The following RABGAP1L variants were observed in gnomAD, a reference collection of about 807,000 sequenced individuals.
RABGAP1L encodes rab GTPase-activating protein 1-like.
In RABGAP1L, 63 loss-of-function variants were observed where a neutral mutation model predicts 137.7. That is an observed-to-expected ratio of 0.46 (90% CI 0.37 to 0.56). The LOEUF (loss-of-function observed/expected upper bound fraction) is 0.56, where lower values mean the gene tolerates loss of function less well. Ranked by LOEUF, RABGAP1L falls within the 20% of genes least tolerant of loss-of-function variation. RABGAP1L has a pLI of 0.00. For synonymous variants in RABGAP1L, 431 were observed against 433.7 expected (o/e 0.99, Z 0.08); for missense variants, 1,095 against 1,244.0 (o/e 0.88, Z 1.80).
intron 18 of RABGAP1L, among the ~76,000 whole-genome samples, chr1:174,772,856 T>C (rs939666363): frequency 6.6e-6 from 1 of 152,188 alleles, no homozygotes; most frequent in African/African-American, 2.4e-5. Context: ...ATCTCTGGCA[T>C]ATTTCACTTA....
In RABGAP1L at chr1:174,500,326, C is replaced by T. The variant is rs144094074; in HGVS notation, c.1710+106181C>T. Among the ~76,000 whole-genome samples, 103 of 152,224 alleles carry T rather than the reference C, an allele frequency of 6.8e-4. 1 individual carries two copies. Among genetic ancestry groups the T allele is most frequent in the African/African-American group, 2.3e-3 (95 of 41,530 alleles). The stretch of plus-strand genomic sequence containing the variant: ...AACTTCTGACCTCAGGTAATCCACC[C>T]TTCTCGGCCTCCCAAAGTGCTGGCA... On this transcript the variant is annotated intron_variant, in intron 13 of 25. Coordinates refer to ENST00000681986, the MANE Select transcript of RABGAP1L (RefSeq NM_001366446.1).
At position 174,448,696 on chromosome 1, in the gene RABGAP1L, G is replaced by A. The variant is rs1414055910; in HGVS notation, c.1710+54551G>A. 2.1e-5 allele frequency: 34 copies of A among 1,613,880 alleles called. 1 individual carries two copies. The highest frequency in any genetic ancestry group is 1.8e-4 in the Admixed American group (11 of 59,984). On this transcript the variant is annotated intron_variant, in intron 13 of 25. Coordinates refer to ENST00000681986, the MANE Select transcript of RABGAP1L (RefSeq NM_001366446.1). This position sits in a 1 kb window ranked among gnomAD's most constrained non-coding sequence, Gnocchi z 4.2. ...GTGACATTTTTGAATGGTGTGCCAC[G>A]TCTTGGCTCACCAGTGCCTATTTTA...
At chr1:174,954,453 T>C (rs1163069499) in intron 19 of RABGAP1L, among the ~76,000 whole-genome samples, 1 of 152,164 alleles carries the variant, frequency 6.6e-6, no homozygotes, top group East Asian at 1.9e-4. Context: ...CCTCTTAATA[T>C]AAGTAGCAAA....
At chr1:174,350,132 G>T (rs1410390261) in intron 11 of RABGAP1L, among the ~76,000 whole-genome samples, 7 of 141,168 alleles carry the variant, frequency 5.0e-5, no homozygotes, top group African/African-American at 1.6e-4. Flanking sequence ...TGGCCGGGTG[G>T]GGGGGCTGAC....
chr1:174,388,691 A>C (rs1686996755), intron 12 of RABGAP1L, among the ~76,000 whole-genome samples: 1 of 152,124 alleles, frequency 6.6e-6, no homozygotes, highest in Non-Finnish European at 1.5e-5. Context: ...TGGAAAACTT[A>C]AAAAAGTTTA....
intron 1 of RABGAP1L, among the ~76,000 whole-genome samples, chr1:174,178,764 T>C (rs1424499923): frequency 2.0e-5 from 3 of 152,074 alleles, no homozygotes; most frequent in Non-Finnish European, 4.4e-5. Flanking sequence ...TTCTCACTCA[T>C]AAGTGGGAGT....
At chr1:174,810,173 T>C (rs932523821) in intron 18 of RABGAP1L, among the ~76,000 whole-genome samples, 1 of 152,220 alleles carries the variant, frequency 6.6e-6, no homozygotes, top group African/African-American at 2.4e-5. Flanking sequence ...TGAAAGTAGA[T>C]TTCATTCATT....
At chr1:174,814,067 C>T (rs1361657495) in intron 19 of RABGAP1L, among the ~76,000 whole-genome samples, 1 of 151,818 alleles carries the variant, frequency 6.6e-6, no homozygotes, top group East Asian at 1.9e-4. Flanking sequence ...TTTTTTTCTC[C>T]AATATAATTT....
intron 13 of RABGAP1L, among the ~76,000 whole-genome samples, chr1:174,478,861 A>C (rs777211658): frequency 1.3e-5 from 2 of 152,180 alleles, no homozygotes; most frequent in Non-Finnish European, 2.9e-5. Context: ...TAATACTGGA[A>C]AGAGTAGAAT....
chr1:174,565,883 C>CT (rs1557854563), intron 13 of RABGAP1L, among the ~76,000 whole-genome samples: 63 of 133,222 alleles, frequency 4.7e-4, no homozygotes, highest in Middle Eastern at 4.3e-3. Flanking sequence ...GAATCCTTTA[C>CT]ATTTTTTTTT....
chr1:174,483,436 G>A (rs902358423), intron 13 of RABGAP1L, among the ~76,000 whole-genome samples: 10 of 152,096 alleles, frequency 6.6e-5, no homozygotes, highest in Non-Finnish European at 1.0e-4. Context: ...GTGACTTCAC[G>A]TTTCATCCAT....
chr1:174,161,586 G>T (rs1279652735), intron 1 of RABGAP1L, among the ~76,000 whole-genome samples: 1 of 152,082 alleles, frequency 6.6e-6, no homozygotes, highest in African/African-American at 2.4e-5. Context: ...GATGAAATAG[G>T]GTAGAGCTTA....
intron 13 of RABGAP1L, among the ~76,000 whole-genome samples, chr1:174,558,554 T>TG (rs1259860988): frequency 5.3e-5 from 8 of 152,334 alleles, no homozygotes; most frequent in Non-Finnish European, 5.9e-5. Flanking sequence ...GACCAATTAA[T>TG]GGTTAAAGGT....
chr1:174,773,083 C>T (rs1023258305), intron 18 of RABGAP1L, among the ~76,000 whole-genome samples: 4 of 151,968 alleles, frequency 2.6e-5, no homozygotes, highest in Non-Finnish European at 5.9e-5. Flanking sequence ...TAAAGTCATT[C>T]AGTTAGGCAA....
At position 174,662,121 on chromosome 1, in the gene RABGAP1L, T is replaced by TG. The variant is rs1553228920; in HGVS notation, c.1825-21400dup. Among the ~76,000 whole-genome samples, 491 of 135,218 alleles carry TG rather than the reference T, an allele frequency of 3.6e-3. 7 individuals carry two copies. The highest frequency in any genetic ancestry group is 6.5e-3 in the African/African-American group (216 of 33,416). 88.7% of individuals were successfully genotyped at this position (135,218 alleles called of 152,430 possible). ...TCTTTTCTTTTTTTTTTTTTTTTTT[T>TG]GAGTTGGAGTCTGGCTCTGTCGCCC... On this transcript the variant is annotated intron_variant, in intron 14 of 25. Transcript: ENST00000681986.
At chr1:174,160,091 T>C (rs1346907788) in intron 1 of RABGAP1L, 8 of 152,372 alleles carry the variant, frequency 5.3e-5, no homozygotes, top group Admixed American at 5.2e-4. Context: ...ACACGCAGGC[T>C]TCTGTACTCG....
chr1:174,209,300 C>T (rs916881904), intron 1 of RABGAP1L, among the ~76,000 whole-genome samples: 4 of 152,236 alleles, frequency 2.6e-5, no homozygotes, highest in African/African-American at 9.6e-5. Flanking sequence ...TCTTTGGGTC[C>T]CCTTTTCCAG....
intron 14 of RABGAP1L, among the ~76,000 whole-genome samples, chr1:174,643,620 C>A (rs561396399): frequency 1.6e-4 from 24 of 152,150 alleles, no homozygotes; most frequent in Non-Finnish European, 2.5e-4. Context: ...ATTTGTAAAG[C>A]CCTGTGGTTT....
intron 3 of RABGAP1L, among the ~76,000 whole-genome samples, chr1:174,222,815 A>G (rs1163357822): frequency 2.0e-5 from 3 of 152,216 alleles, no homozygotes; most frequent in African/African-American, 4.8e-5. Flanking sequence ...AAAGTATTTA[A>G]GAAAGTGAAT....
Sources: allele counts gnomAD v4.1 joint callset (sites outside exome capture counted in the v4.1 genomes callset), GRCh38; gene constraint gnomAD v4.1.1; non-coding constraint Gnocchi (gnomAD v3.1); transcripts MANE v1.5; gene names NCBI Gene and HGNC (gene_info 2026-07-23, HGNC 2026-07-21).